ADGB: variants seen among roughly 807,000 people sequenced by gnomAD.
The protein encoded by ADGB is calpain-7-like protein.
A neutral mutation model predicts 210.5 loss-of-function variants in ADGB; 172 were observed. That is an observed-to-expected ratio of 0.82 (90% confidence interval 0.72 to 0.93). The LOEUF is 0.93. ADGB is among the 40% of genes least tolerant of loss of function. The pLI, the probability that ADGB is intolerant of heterozygous loss-of-function variation, is 0.00. For missense variants in ADGB, 2,025 were observed against 1,964.8 expected, an observed-to-expected ratio of 1.03 and a Z score of -0.58; for synonymous variants, 658 against 662.7, an observed-to-expected ratio of 0.99 and a Z score of 0.11.
Position 146,632,979 on chromosome 6 carries a change from A to G in ADGB, c.75-2396A>G, listed in dbSNP as rs545307414. On this transcript the variant is annotated intron_variant, in intron 1 of 35. Transcript: ENST00000397944. ...ATCCAGTCTTAAGACTTTAAATACC[A>G]CCTAGATGCTGATGACTCTCAAAGT... Among the ~76,000 whole-genome samples the G allele has an allele frequency of 2.0e-4, 31 of 152,172 alleles. 1 individual carries two copies. In the South Asian group the frequency reaches 6.4e-3, roughly 32 times the overall value.
At chr6:146,616,671 T>C (rs1167462733) in intron 1 of ADGB, among the ~76,000 whole-genome samples, 1 of 152,120 alleles carries the variant, frequency 6.6e-6, no homozygotes, top group East Asian at 1.9e-4. Flanking sequence ...CCCAGTACCA[T>C]TTATTAAAAA....
intron 1 of ADGB, among the ~76,000 whole-genome samples, chr6:146,633,681 A>T (rs985189756): frequency 6.6e-6 from 1 of 152,044 alleles, no homozygotes; most frequent in African/African-American, 2.4e-5. Context: ...GCCTTACTAT[A>T]GATATTTTCC....
At chr6:146,620,144 G>A (rs1780867240) in intron 1 of ADGB, among the ~76,000 whole-genome samples, 2 of 152,132 alleles carry the variant, frequency 1.3e-5, no homozygotes. Context: ...CCCCCTGAAA[G>A]TTATATTGGG....
chr6:146,685,648 T>G, intron 9 of ADGB, 86 bp from the exon 10 acceptor site: 1 of 613,448 alleles, frequency 1.6e-6, no homozygotes, highest in Non-Finnish European at 2.6e-6. Context: ...ATAAATTCAT[T>G]AAGGCAATTG....
intron 35 of ADGB, 98 bp from the exon 36 acceptor site, chr6:146,814,934 G>A: frequency 8.6e-7 from 1 of 1,165,832 alleles, no homozygotes. Flanking sequence ...TGAATGTGTG[G>A]GCGTAAGGAC....
intron 33 of ADGB, among the ~76,000 whole-genome samples, chr6:146,795,496 T>C (rs1778026652): frequency 1.3e-5 from 2 of 152,092 alleles, no homozygotes; most frequent in South Asian, 4.1e-4. Flanking sequence ...GAAAAGGACA[T>C]GAACAGACAT....
At chr6:146,601,606 T>G (rs892779379) in intron 1 of ADGB, among the ~76,000 whole-genome samples, 4 of 152,200 alleles carry the variant, frequency 2.6e-5, no homozygotes, top group African/African-American at 4.8e-5. Context: ...GAGTAAGTTT[T>G]TATGTCATTT....
At position 146,635,372 on chromosome 6, in the gene ADGB, T is replaced by A; in HGVS notation, c.75-3T>A. 1 of 1,496,994 alleles carries A rather than the reference T, an allele frequency of 6.7e-7. No homozygotes were observed. The highest frequency in any genetic ancestry group is 1.4e-5 in the African/African-American group (1 of 70,488). 92.7% of individuals were successfully genotyped at this position (1,496,994 alleles called of 1,614,324 possible). A position where few individuals can be genotyped will look rare whatever the true frequency, so the allele number is the denominator to read the frequency against. ...AACCCACCCACTCTCTGTCTCTGTC[T>A]AGTTTCTATCCTTTTGGCAGTAATG... On this transcript the variant is annotated splice_region_variant and splice_polypyrimidine_tract_variant and intron_variant, in intron 1 of 35. Transcript: ENST00000397944.
chr6:146,692,657 T>A (rs1404574072), intron 11 of ADGB, among the ~76,000 whole-genome samples, 168 bp from the exon 12 acceptor site: 1 of 152,192 alleles, frequency 6.6e-6, no homozygotes, highest in Non-Finnish European at 1.5e-5. Flanking sequence ...ATCTATAAAC[T>A]CTTTCAATAA....
At chr6:146,781,834 G>A (rs1292740982) in intron 29 of ADGB, among the ~76,000 whole-genome samples, 186 bp from the exon 30 acceptor site, 1 of 152,094 alleles carries the variant, frequency 6.6e-6, no homozygotes, top group African/African-American at 2.4e-5. Context: ...GTGAGTGTTT[G>A]GTATATGAAT....
At chr6:146,807,992 G>GGT (rs1778237758) in intron 35 of ADGB, among the ~76,000 whole-genome samples, 1 of 103,162 alleles carries the variant, frequency 9.7e-6, no homozygotes. Context: ...CTATGCTTCA[G>GGT]TTTTTTTTTT....
At chr6:146,670,090 C>T (rs1383014560) in intron 7 of ADGB, among the ~76,000 whole-genome samples, 1 of 152,138 alleles carries the variant, frequency 6.6e-6, no homozygotes, top group Non-Finnish European at 1.5e-5. Context: ...TTCTCTACAT[C>T]TGCATTATTA....
chr6:146,781,495 G>A (rs1193588423), intron 29 of ADGB, among the ~76,000 whole-genome samples: 1 of 150,344 alleles, frequency 6.7e-6, no homozygotes, highest in African/African-American at 2.4e-5. Context: ...CGAGGATGCA[G>A]TAAAAGTAGT....
Position 146,815,212 on chromosome 6 carries a change from A to G in ADGB, c.4999A>G (p.Lys1667Glu). The G allele has an allele frequency of 3.3e-6, 5 of 1,504,604 alleles. No homozygotes were observed. The highest frequency in any genetic ancestry group is 3.5e-6 in the Non-Finnish European group (4 of 1,133,864). The allele number at this position is 1,504,604 out of a possible 1,614,324, so 93.2% of individuals were successfully genotyped here. A position where few individuals can be genotyped will look rare whatever the true frequency, so the allele number is the denominator to read the frequency against. ...ACAGAAAAAAAAGAAAGGAAAGAAA[A>G]AGTAACCAGGGGATGTCCAATACTA... ...DTQKKKKGKKK is the reference protein window; with the variant it reads ...DTQKKKKGKKE The change falls in exon 36 of 36, where the codon AAG becomes GAG. Residue 1667 changes from lysine (K) to glutamate (E), a missense_variant. Coordinates refer to ENST00000397944, the MANE Select transcript of ADGB (RefSeq NM_024694.4).
At chr6:146,781,183 A>C (rs1307887594) in intron 29 of ADGB, among the ~76,000 whole-genome samples, 3 of 146,364 alleles carry the variant, frequency 2.0e-5, no homozygotes, top group African/African-American at 7.5e-5. Flanking sequence ...AAAAAAAAAA[A>C]AAAAAAAAAA....
chr6:146,721,853 A>T (rs1238023518), intron 17 of ADGB, among the ~76,000 whole-genome samples: 1 of 152,002 alleles, frequency 6.6e-6, no homozygotes, highest in Admixed American at 6.6e-5. Context: ...AAAATAAAAA[A>T]ATTTTAAAAA....
chr6:146,802,185 ACTCC>A (rs900177621), intron 35 of ADGB, among the ~76,000 whole-genome samples, 174 bp downstream of exon 35: 2 of 151,826 alleles, frequency 1.3e-5, no homozygotes, highest in Non-Finnish European at 1.5e-5. Flanking sequence ...ATCTCATCTC[ACTCC>A]CTCCCTAAAA....
chr6:146,784,873 A>G, intron 31 of ADGB, 79 bp downstream of exon 31: 1 of 1,395,566 alleles, frequency 7.2e-7, no homozygotes, highest in South Asian at 1.5e-5. Context: ...ATGCTGGTAA[A>G]AACCATATAG....
At chr6:146,770,679 A>C (rs184944622) in intron 29 of ADGB, 16 of 440,014 alleles carry the variant, frequency 3.6e-5, no homozygotes, top group Admixed American at 1.7e-4. Context: ...TTCAGGCTCA[A>C]CGAGAAAGTT....
Sources: allele counts gnomAD v4.1 joint callset (sites outside exome capture counted in the v4.1 genomes callset), GRCh38; gene constraint gnomAD v4.1.1; transcripts MANE v1.5; gene names NCBI Gene and HGNC (gene_info 2026-07-23, HGNC 2026-07-21).